NID2: variants seen among roughly 807,000 people sequenced by gnomAD.
NID2 encodes the protein nidogen 2.
In NID2, 83 loss-of-function variants were observed where a neutral mutation model predicts 145.4. The observed-to-expected ratio is 0.57, with a 90% CI of 0.48 to 0.69. NID2 has a LOEUF of 0.69. Among genes scored for constraint, NID2 ranks in the 30% least tolerant of loss-of-function variants. The probability of loss-of-function intolerance (pLI) is 0.00; values close to 1 mark genes in which losing one functional copy is unlikely to be tolerated. For missense variants in NID2, 1,807 were observed against 1,765.7 expected (o/e 1.02, Z -0.42); for synonymous variants, 739 against 701.3 (o/e 1.05, Z -0.85).
At chr14:52,029,745 C>CCCAG in intron 9 of NID2, 55 bp from the exon 10 acceptor site, 1 of 1,523,158 alleles carries the variant, frequency 6.6e-7, no homozygotes, top group Non-Finnish European at 9.0e-7. Context: ...AAGCAAATGT[C>CCCAG]ACGGAGATAG....
At chr14:52,066,728 A>G (rs549076965) in intron 2 of NID2, among the ~76,000 whole-genome samples, 28 of 152,336 alleles carry the variant, frequency 1.8e-4, no homozygotes, top group African/African-American at 6.5e-4. Flanking sequence ...GTGAAGAAGC[A>G]TTTCCGTAAG....
At chr14:52,026,316 G>A (rs1193999798) in intron 12 of NID2, among the ~76,000 whole-genome samples, 1 of 152,164 alleles carries the variant, frequency 6.6e-6, no homozygotes, top group East Asian at 1.9e-4. Flanking sequence ...CTGGGCGGAT[G>A]GAGGCAGATG....
chr14:52,009,584 T>C (rs753059926), intron 18 of NID2: 3 of 152,206 alleles, frequency 2.0e-5, no homozygotes, highest in Admixed American at 6.5e-5. Context: ...TTTAAACTCA[T>C]GGCTGTGATG....
In NID2 at chr14:52,011,611, T is replaced by C. The variant is rs1223847310; in HGVS notation, c.3493A>G (p.Thr1165Ala). ...AGTTCCAGACCAGCACGGCTGATTG[T>C]CCGTCCAGCAACATCTGTCCAGTAC... ...MVYWTDVAGR[T>A]ISRAGLELGA... Residue 1165 changes from threonine to alanine, a missense_variant, in exon 17 of 22, where the codon ACA becomes GCA. Coordinates refer to ENST00000216286, the MANE Select transcript of NID2 (RefSeq NM_007361.4). 5.6e-6 allele frequency: 9 copies of C among 1,614,216 alleles called. No homozygotes were observed. Among genetic ancestry groups the C allele is most frequent in the Non-Finnish European group, 7.6e-6 (9 of 1,180,030 alleles).
chr14:52,007,669 T>C, intron 19 of NID2, 141 bp downstream of exon 19: 2 of 780,740 alleles, frequency 2.6e-6, no homozygotes, highest in Non-Finnish European at 4.2e-6. Flanking sequence ...TTACTAGTAC[T>C]TAAATTTACT....
Position 52,067,880 on chromosome 14 carries a change from C to T in NID2, c.512G>A (p.Arg171His). 6.2e-7 allele frequency: 1 copy of T among 1,612,286 alleles called. No individual in the cohort carries two copies. The highest frequency in any genetic ancestry group is 8.5e-7 in the Non-Finnish European group (1 of 1,179,964). ...EQVGAYEEVK[R>H]GALPSGELNT... ...TACCTCTCCCGAGGGCAGCGCCCCGCGCTTGACCTCCTCGTAAGCGCCTAC... is the reference window on the plus strand; with the variant it reads ...TACCTCTCCCGAGGGCAGCGCCCCGTGCTTGACCTCCTCGTAAGCGCCTAC... The change falls in exon 2 of 22, where the codon CGC becomes CAC. Residue 171 changes from arginine (R) to histidine (H), a missense_variant. By Grantham distance (29) the Arg-to-His change is conservative (BLOSUM62 0). Transcript: ENST00000216286.
intron 3 of NID2, among the ~76,000 whole-genome samples, chr14:52,056,824 G>T (rs1892861960): frequency 1.3e-5 from 2 of 152,032 alleles, no homozygotes; most frequent in South Asian, 4.1e-4. Flanking sequence ...CCTATCACTG[G>T]CCCTAAACAT....
rs1313914616 is a variant in NID2 at position 52,060,248 on chromosome 14, A to G, written c.643T>C (p.Tyr215His). The stretch of plus-strand genomic sequence containing the variant: ...GCTGGAAGCTGAAGCTGGACATTGT[A>G]AGACTCTTTGGGGCGGGTTCCAAGG... The part of the protein sequence containing the change: ...QFLGTRPKES[Y>H]NVQLQLPARV... Residue 215 changes from tyrosine to histidine, a missense_variant, in exon 3 of 22, where the codon TAC (tyrosine) becomes CAC (histidine). Tyr to His is a moderately conservative substitution (Grantham distance 83). Coordinates refer to ENST00000216286, the MANE Select transcript of NID2 (RefSeq NM_007361.4). 1 of 1,614,030 alleles carries G rather than the reference A, an allele frequency of 6.2e-7. No homozygotes were observed. Among genetic ancestry groups the G allele is most frequent in the South Asian group, 1.1e-5 (1 of 91,070 alleles).
chr14:52,043,396 A>T (rs1166558973), intron 5 of NID2, among the ~76,000 whole-genome samples: 1 of 152,232 alleles, frequency 6.6e-6, no homozygotes, highest in Non-Finnish European at 1.5e-5. Flanking sequence ...AAAAAAGATA[A>T]TAGCTGGTCT....
rs1159664901 is a variant in NID2, at chr14:52,060,121, T to C, written c.767+3A>G. The stretch of plus-strand genomic sequence containing the variant: ...GAAAGGGCTTCAGCTCAATGTTACT[T>C]ACTGATAGAGATTTTTCACAGACTG... On this transcript the variant is annotated splice_donor_region_variant and intron_variant, in intron 3 of 21. Transcript: ENST00000216286. The C allele has an allele frequency of 2.5e-6, 4 of 1,592,730 alleles. No individual in the cohort carries two copies. Among genetic ancestry groups the C allele is most frequent in the Non-Finnish European group, 3.4e-6 (4 of 1,163,158 alleles).
chr14:52,027,633 TAC>T (rs59049676), intron 11 of NID2, among the ~76,000 whole-genome samples: 28,241 of 144,072 alleles, frequency 0.2, 2,782 homozygotes, highest in Admixed American at 0.22. Context: ...GAGCAATTGC[TAC>T]ACACACACAC....
intron 7 of NID2, among the ~76,000 whole-genome samples, chr14:52,041,500 C>A (rs1359549352): frequency 1.3e-5 from 2 of 152,126 alleles, no homozygotes; most frequent in Non-Finnish European, 2.9e-5. Flanking sequence ...GGTGAGAATC[C>A]AAAAAGTATC....
At chr14:52,020,799 A>T (rs548186974) in intron 12 of NID2, among the ~76,000 whole-genome samples, 1 of 152,320 alleles carries the variant, frequency 6.6e-6, no homozygotes, top group South Asian at 2.1e-4. Context: ...GTTTTGAAAT[A>T]ATACTTACAA....
chr14:52,015,310 T>G (rs1566745018), intron 14 of NID2, 35 bp from the exon 15 acceptor site: 10 of 1,572,868 alleles, frequency 6.4e-6, no homozygotes, highest in Non-Finnish European at 8.7e-6. Flanking sequence ...AAGAAAAACC[T>G]TTGATTGTGA....
At chr14:52,019,001 A>G (rs1352730951) in intron 14 of NID2, 60 bp downstream of exon 14, 2 of 1,358,852 alleles carry the variant, frequency 1.5e-6, no homozygotes, top group African/African-American at 2.9e-5. Context: ...TCTGGGCAGG[A>G]ATTATGATCT....
chr14:52,065,475 C>CCA lies in NID2; in HGVS notation c.534+2382_534+2383insTG, dbSNP rs71444727. On this transcript the variant is annotated intron_variant, in intron 2 of 21. Transcript: ENST00000216286. ...TCCTTTCTTTTTTTTTTTTTTTCCC[C>CCA]TTTCTTTTTTATTTATTTATTTATT... 1.4e-3 allele frequency among the ~76,000 whole-genome samples: 189 copies of CCA among 139,818 alleles called. 2 individuals carry two copies. Among genetic ancestry groups the CCA allele is most frequent in the African/African-American group, 4.2e-3 (156 of 37,074 alleles). 91.7% of individuals were successfully genotyped at this position (139,818 alleles called of 152,430 possible). A position where few individuals can be genotyped will look rare whatever the true frequency, so the allele number is the denominator to read the frequency against.
At chr14:52,016,175 T>A (rs1891208601) in intron 14 of NID2, among the ~76,000 whole-genome samples, 3 of 152,160 alleles carry the variant, frequency 2.0e-5, no homozygotes, top group Admixed American at 2.0e-4. Context: ...TGAGGCTTTG[T>A]CCAAAATACA....
intron 2 of NID2, among the ~76,000 whole-genome samples, 190 bp downstream of exon 2, chr14:52,067,667 AG>A (rs1283461631): frequency 4.6e-5 from 7 of 152,222 alleles, no homozygotes; most frequent in African/African-American, 1.7e-4. Context: ...ACCACCTGCC[AG>A]GGCCTCAGAA....
At chr14:52,046,774 G>A (rs1288071177) in intron 5 of NID2, among the ~76,000 whole-genome samples, 1 of 152,156 alleles carries the variant, frequency 6.6e-6, no homozygotes, top group African/African-American at 2.4e-5. Flanking sequence ...AGCTAACCTG[G>A]GAGTCTTTTT....
Sources: gnomAD v4.1 joint callset for allele counts (sites outside exome capture counted in the v4.1 genomes callset) on GRCh38, gnomAD v4.1.1 for gene constraint, MANE v1.5 for transcripts, NCBI Gene and HGNC (gene_info 2026-07-23, HGNC 2026-07-21) for gene names.